Variants in MCPH1 observed in about 807,000 individuals in gnomAD.
MCPH1 encodes the protein microcephalin.
In MCPH1, 104 loss-of-function variants were observed where a neutral mutation model predicts 84.5. That is an observed-to-expected ratio of 1.23 (90% CI 1.05 to 1.45). MCPH1 has a LOEUF of 1.45. MCPH1 is among the 40% of genes most tolerant of loss of function. The pLI is 0.00. For synonymous variants in MCPH1, 514 were observed against 366.8 expected (o/e 1.40, Z -4.58); for missense variants, 1,498 against 1,005.7 (o/e 1.49, Z -6.62).
At chr8:6,495,439 ATCT>A (rs757173072) in intron 11 of MCPH1, among the ~76,000 whole-genome samples, 82 of 152,206 alleles carry the variant, frequency 5.4e-4, no homozygotes, top group African/African-American at 1.4e-3. Flanking sequence ...AGAATCCCAA[ATCT>A]TCTTCTTTCT....
At chr8:6,456,938 T>C (rs943947839) in intron 9 of MCPH1, among the ~76,000 whole-genome samples, 1 of 152,132 alleles carries the variant, frequency 6.6e-6, no homozygotes, top group African/African-American at 2.4e-5. Context: ...AAATGGCATA[T>C]GAATGGGAGA....
intron 2 of MCPH1, among the ~76,000 whole-genome samples, chr8:6,411,122 C>A (rs151239523): frequency 6.6e-6 from 1 of 152,068 alleles, no homozygotes; most frequent in African/African-American, 2.4e-5. Flanking sequence ...TAGTAGGATC[C>A]GATGGTGAAG....
chr8:6,574,093 A>G (rs1464622769), intron 12 of MCPH1, among the ~76,000 whole-genome samples: 2 of 152,252 alleles, frequency 1.3e-5, no homozygotes, highest in Non-Finnish European at 2.9e-5. Flanking sequence ...AAATCAGCAG[A>G]AAGAAGAAAT....
chr8:6,535,031 G>C (rs1427102312), intron 12 of MCPH1, among the ~76,000 whole-genome samples: 1 of 152,178 alleles, frequency 6.6e-6, no homozygotes, highest in Non-Finnish European at 1.5e-5. Context: ...CATTCCGGGA[G>C]GCTTGGAACT....
chr8:6,447,839 G>T (rs912928776), intron 8 of MCPH1, among the ~76,000 whole-genome samples: 2 of 152,072 alleles, frequency 1.3e-5, no homozygotes, highest in Non-Finnish European at 2.9e-5. Flanking sequence ...GTGAGCTACC[G>T]CGCCCGGCCA....
intron 9 of MCPH1, among the ~76,000 whole-genome samples, chr8:6,475,400 C>G (rs1808315954): frequency 6.6e-6 from 1 of 152,228 alleles, no homozygotes; most frequent in Non-Finnish European, 1.5e-5. Flanking sequence ...CCTTGTGGCT[C>G]TTTTCTGACC....
intron 3 of MCPH1, 90 bp downstream of exon 3, chr8:6,414,973 A>G (rs1563172250): frequency 4.4e-6 from 6 of 1,355,726 alleles, no homozygotes; most frequent in Non-Finnish European, 6.2e-6. Flanking sequence ...AACCAGATAA[A>G]GTTTGATTTT....
intron 12 of MCPH1, among the ~76,000 whole-genome samples, chr8:6,559,668 C>G (rs918197689): frequency 1.3e-5 from 2 of 152,010 alleles, no homozygotes; most frequent in African/African-American, 4.8e-5. Flanking sequence ...CATATTTCCT[C>G]TTATCAGAAA....
chr8:6,410,888 G>A (rs964716936), intron 2 of MCPH1, among the ~76,000 whole-genome samples: 5 of 152,040 alleles, frequency 3.3e-5, no homozygotes, highest in East Asian at 1.9e-4. Flanking sequence ...TCAGGAGTTC[G>A]AGACCAGCCT....
At chr8:6,455,414 G>T (rs180953766) in intron 9 of MCPH1, among the ~76,000 whole-genome samples, 162 bp downstream of exon 9, 1 of 152,164 alleles carries the variant, frequency 6.6e-6, no homozygotes, top group East Asian at 1.9e-4. Flanking sequence ...AACTGAAAGC[G>T]TTGTTTGCAT....
intron 9 of MCPH1, among the ~76,000 whole-genome samples, chr8:6,461,565 C>G (rs1806301340): frequency 6.6e-6 from 1 of 151,692 alleles, no homozygotes. Flanking sequence ...GTTTTGAACT[C>G]CTGACCTCAA....
intron 13 of MCPH1, among the ~76,000 whole-genome samples, chr8:6,631,082 G>A (rs1029204426): frequency 8.5e-5 from 13 of 152,186 alleles, no homozygotes; most frequent in Non-Finnish European, 1.6e-4. Flanking sequence ...CCTGATAGAG[G>A]AAAGCCATCT....
chr8:6,539,937 C>A (rs4991606), intron 12 of MCPH1, among the ~76,000 whole-genome samples: 8 of 151,862 alleles, frequency 5.3e-5, no homozygotes, highest in Non-Finnish European at 1.2e-4. Context: ...ATAACCAACC[C>A]CTTTCCTACT....
At chr8:6,462,260 G>T (rs1041341610) in intron 9 of MCPH1, among the ~76,000 whole-genome samples, 3 of 152,218 alleles carry the variant, frequency 2.0e-5, no homozygotes, top group Non-Finnish European at 4.4e-5. Context: ...TGCATATGCT[G>T]ATAGTTGCTT....
intron 12 of MCPH1, chr8:6,527,594 T>C (rs776171904): frequency 1.2e-6 from 2 of 1,614,068 alleles, no homozygotes; most frequent in East Asian, 4.5e-5. Flanking sequence ...ACTGGTCTGG[T>C]CCAAAATCTG....
chr8:6,631,219 G>A (rs1008758961), intron 13 of MCPH1, among the ~76,000 whole-genome samples: 2 of 152,176 alleles, frequency 1.3e-5, no homozygotes, highest in Non-Finnish European at 2.9e-5. Flanking sequence ...CATACCTGAA[G>A]GATTGATCCT....
At chr8:6,491,868 G>T (rs1476793618) in intron 11 of MCPH1, among the ~76,000 whole-genome samples, 1 of 152,124 alleles carries the variant, frequency 6.6e-6, no homozygotes, top group Non-Finnish European at 1.5e-5. Flanking sequence ...TCTTAATCCA[G>T]TCTATCATTG....
At chr8:6,536,158 G>A (rs1034867473) in intron 12 of MCPH1, among the ~76,000 whole-genome samples, 1 of 152,146 alleles carries the variant, frequency 6.6e-6, no homozygotes, top group Non-Finnish European at 1.5e-5. Flanking sequence ...GTGACAGTCA[G>A]GTACTCTTTA....
At chr8:6,622,753 TG>T (rs1451826074) in intron 13 of MCPH1, among the ~76,000 whole-genome samples, 2 of 152,216 alleles carry the variant, frequency 1.3e-5, no homozygotes, top group Non-Finnish European at 2.9e-5. Flanking sequence ...CACACATCCC[TG>T]GTATCTCTGT....
Sources: gnomAD v4.1 joint callset for allele counts (sites outside exome capture counted in the v4.1 genomes callset) on GRCh38, gnomAD v4.1.1 for gene constraint, MANE v1.5 for transcripts, NCBI Gene and HGNC (gene_info 2026-07-23, HGNC 2026-07-21) for gene names.